AMBRA1: variants seen among roughly 807,000 people sequenced by gnomAD.
AMBRA1 encodes autophagy and beclin 1 regulator 1.
In AMBRA1, 47 loss-of-function variants were observed where a neutral mutation model predicts 125.4. The observed-to-expected ratio is 0.37, with a 90% CI of 0.30 to 0.48. The LOEUF (loss-of-function observed/expected upper bound fraction) is 0.48, where lower values mean the gene tolerates loss of function less well. Ranked by LOEUF, AMBRA1 falls within the 20% of genes least tolerant of loss-of-function variation. The pLI, the probability that AMBRA1 is intolerant of heterozygous loss-of-function variation, is 0.99. For missense variants in AMBRA1, 1,331 were observed against 1,693.4 expected, an observed-to-expected ratio of 0.79 and a Z score of 3.76; for synonymous variants, 626 against 655.5, an observed-to-expected ratio of 0.95 and a Z score of 0.69.
At chr11:46,445,622 A>G (rs1948247102) in intron 11 of AMBRA1, among the ~76,000 whole-genome samples, 1 of 152,174 alleles carries the variant, frequency 6.6e-6, no homozygotes, top group Admixed American at 6.5e-5. Context: ...AAGGTCTACC[A>G]CTTCCCTGGA....
chr11:46,495,895 A>T (rs2134985713), intron 9 of AMBRA1, among the ~76,000 whole-genome samples: 1 of 152,326 alleles, frequency 6.6e-6, no homozygotes, highest in East Asian at 1.9e-4. Flanking sequence ...GGAGTTAGAA[A>T]ATATTTTGAA....
chr11:46,582,727 A>C (rs2044219912), intron 1 of AMBRA1, among the ~76,000 whole-genome samples: 1 of 152,196 alleles, frequency 6.6e-6, no homozygotes, highest in Non-Finnish European at 1.5e-5. Flanking sequence ...GAATAAGAGT[A>C]CTTACGTCAT....
intron 12 of AMBRA1, among the ~76,000 whole-genome samples, chr11:46,442,386 T>TC (rs1948063152): frequency 2.0e-5 from 3 of 151,834 alleles, no homozygotes; most frequent in Admixed American, 1.3e-4. Context: ...CACGTGATCC[T>TC]CCCAACTCAG....
At chr11:46,459,692 C>G in intron 11 of AMBRA1, among the ~76,000 whole-genome samples, 1 of 149,686 alleles carries the variant, frequency 6.7e-6, no homozygotes, top group Admixed American at 6.8e-5. Context: ...GCCTGGGCAA[C>G]AGAGCAAGAC....
intron 14 of AMBRA1, among the ~76,000 whole-genome samples, chr11:46,423,552 C>T (rs563808415): frequency 5.3e-5 from 8 of 149,886 alleles, no homozygotes; most frequent in Admixed American, 2.0e-4. Context: ...CCACCACGCC[C>T]GGCTAGTTTT....
intron 11 of AMBRA1, among the ~76,000 whole-genome samples, chr11:46,467,756 A>T (rs1481670518): frequency 6.6e-6 from 1 of 151,626 alleles, no homozygotes; most frequent in Non-Finnish European, 1.5e-5. Flanking sequence ...CTGGTCTCAA[A>T]CTCCTGACCT....
intron 1 of AMBRA1, among the ~76,000 whole-genome samples, chr11:46,568,958 G>A (rs114050866): frequency 0.019 from 2,831 of 151,380 alleles, 95 homozygotes; most frequent in African/African-American, 0.065. Flanking sequence ...AGGCATGTGC[G>A]ACCAAGACCA....
chr11:46,570,535 T>C (rs1294311861), intron 1 of AMBRA1, among the ~76,000 whole-genome samples: 1 of 152,148 alleles, frequency 6.6e-6, no homozygotes, highest in Non-Finnish European at 1.5e-5. Flanking sequence ...CACTATTAAG[T>C]GCCAATGCCT....
chr11:46,400,074 G>C (rs770154516), intron 17 of AMBRA1, among the ~76,000 whole-genome samples: 12 of 152,144 alleles, frequency 7.9e-5, no homozygotes, highest in Non-Finnish European at 1.8e-4. Context: ...CAGCAGTGGA[G>C]CTCTATTGCT....
intron 11 of AMBRA1, among the ~76,000 whole-genome samples, chr11:46,474,051 A>G (rs1949715317): frequency 6.6e-6 from 1 of 152,192 alleles, no homozygotes; most frequent in Non-Finnish European, 1.5e-5. Flanking sequence ...GCACTCAAGA[A>G]GTATATTCCA....
intron 11 of AMBRA1, among the ~76,000 whole-genome samples, chr11:46,479,620 C>T (rs2136914627): frequency 6.6e-6 from 1 of 152,076 alleles, no homozygotes; most frequent in Admixed American, 6.5e-5. Flanking sequence ...TCACTTGAAC[C>T]CAGGAGGCGG....
At position 46,542,893 on chromosome 11, in the gene AMBRA1, T is replaced by C; in HGVS notation, c.1124A>G (p.Gln375Arg). ...LNRPSAFSTV[Q>R]SSTAGNTLRN... Reference sequence around the variant, plus strand: ...GAGCGTGTTGCCGGCAGTGCTGCTCTGGACTGTACTGAAGGCAGACGGCCG... The same window carrying C: ...GAGCGTGTTGCCGGCAGTGCTGCTCCGGACTGTACTGAAGGCAGACGGCCG... The change falls in exon 7 of 18, where the codon CAG (glutamine) becomes CGG (arginine). Residue 375 changes from glutamine to arginine, a missense_variant. Physicochemically the swap from Gln to Arg is conservative, Grantham distance 43. Coordinates refer to ENST00000683756, the MANE Select transcript of AMBRA1 (RefSeq NM_001387011.1). The surrounding 1 kb of genome is among the most constrained non-coding windows in gnomAD (Gnocchi z 5.9). 6.2e-7 allele frequency: 1 copy of C among 1,612,680 alleles called. No homozygotes were observed. The highest frequency in any genetic ancestry group is 8.5e-7 in the Non-Finnish European group (1 of 1,179,922).
At chr11:46,442,290 G>A (rs566453397) in intron 12 of AMBRA1, among the ~76,000 whole-genome samples, 84 of 152,046 alleles carry the variant, frequency 5.5e-4, no homozygotes, top group Non-Finnish European at 1.0e-3. Context: ...AAACAGGCAT[G>A]CACCACCACA....
intron 11 of AMBRA1, among the ~76,000 whole-genome samples, chr11:46,444,288 T>C (rs1415358785): frequency 6.6e-6 from 1 of 152,228 alleles, no homozygotes; most frequent in African/African-American, 2.4e-5. Context: ...AAGAACCTCC[T>C]TGAATCCACA....
rs2044697170 is a variant in AMBRA1 at position 46,593,948 on chromosome 11, C to G, written c.-241G>C. 7.5e-6 allele frequency: 3 copies of G among 398,652 alleles called. No individual in the cohort carries two copies. The Admixed American group carries it at 1.3e-4, about 18-fold the overall frequency. 24.7% of individuals were successfully genotyped at this position (398,652 alleles called of 1,614,324 possible). A position where few individuals can be genotyped will look rare whatever the true frequency, so the allele number is the denominator to read the frequency against. On this transcript the variant is annotated 5_prime_UTR_variant, in exon 1 of 18. Coordinates refer to ENST00000683756, the MANE Select transcript of AMBRA1 (RefSeq NM_001387011.1). ...TCTACCGACCGGCAGGAGAAGGCGG[C>G]TTGAGCGCGGGGCCTCGCGGACAAC...
chr11:46,460,112 G>C (rs1271189813), intron 11 of AMBRA1, among the ~76,000 whole-genome samples: 1 of 152,186 alleles, frequency 6.6e-6, no homozygotes, highest in African/African-American at 2.4e-5. Flanking sequence ...CATGTGTACA[G>C]AATTTCAGGG....
At chr11:46,534,181 A>G (rs1952353953) in intron 7 of AMBRA1, among the ~76,000 whole-genome samples, 1 of 149,702 alleles carries the variant, frequency 6.7e-6, no homozygotes, top group East Asian at 2.0e-4. Context: ...TGAGAGAATT[A>G]TTGCTGGCAT....
At chr11:46,419,346 T>C (rs773152206) in intron 14 of AMBRA1, among the ~76,000 whole-genome samples, 89 of 152,286 alleles carry the variant, frequency 5.8e-4, no homozygotes, top group African/African-American at 2.1e-3. Flanking sequence ...ATAAAAGACA[T>C]GGGCTTTAGA....
intron 1 of AMBRA1, among the ~76,000 whole-genome samples, chr11:46,568,772 CAAA>C (rs199607275): frequency 4.3e-5 from 4 of 92,418 alleles, no homozygotes; most frequent in African/African-American, 7.9e-5. Context: ...AACTCCATCT[CAAA>C]AAAAAAAAAA....
Sources: allele counts gnomAD v4.1 joint callset (sites outside exome capture counted in the v4.1 genomes callset), GRCh38; gene constraint gnomAD v4.1.1; non-coding constraint Gnocchi (gnomAD v3.1); transcripts MANE v1.5; gene names NCBI Gene and HGNC (gene_info 2026-07-23, HGNC 2026-07-21).